Variants in CDH19 observed in about 807,000 individuals in gnomAD.
The protein encoded by CDH19 is cadherin 19.
Under a neutral mutation model 64.2 loss-of-function variants are expected in CDH19, and 67 were observed. The observed-to-expected ratio is 1.04, with a 90% confidence interval of 0.86 to 1.28. The LOEUF (loss-of-function observed/expected upper bound fraction) is 1.28, where lower values mean the gene tolerates loss of function less well. Ranked by LOEUF, CDH19 falls within the 50% of genes most tolerant of loss-of-function variation. CDH19 has a pLI of 0.00. For synonymous variants in CDH19, 346 were observed against 319.3 expected (o/e 1.08, Z -0.89); for missense variants, 1,030 against 929.0 (o/e 1.11, Z -1.41).
intron 5 of CDH19, among the ~76,000 whole-genome samples, chr18:66,549,901 AC>A (rs1411349790): frequency 6.6e-6 from 1 of 152,112 alleles, no homozygotes; most frequent in African/African-American, 2.4e-5. Flanking sequence ...CATGGACTCA[AC>A]TACTGGAAGG....
chr18:66,574,980 C>T (rs1988223676), intron 1 of CDH19, among the ~76,000 whole-genome samples: 1 of 151,732 alleles, frequency 6.6e-6, no homozygotes, highest in Non-Finnish European at 1.5e-5. Context: ...AGAGAAGAAA[C>T]TGAGCTGTCA....
chr18:66,511,898 C>T (rs1042985941), intron 9 of CDH19, among the ~76,000 whole-genome samples: 5 of 151,450 alleles, frequency 3.3e-5, no homozygotes, highest in Non-Finnish European at 7.4e-5. Flanking sequence ...TGTAATATTA[C>T]ATAATAAACA....
At chr18:66,588,599 A>G (rs1416781042) in intron 1 of CDH19, among the ~76,000 whole-genome samples, 1 of 113,196 alleles carries the variant, frequency 8.8e-6, no homozygotes, top group Non-Finnish European at 2.2e-5. Context: ...ACTCATTTTT[A>G]CTAATCATAT....
intron 8 of CDH19, among the ~76,000 whole-genome samples, chr18:66,531,952 A>G (rs934124712): frequency 3.3e-5 from 5 of 152,238 alleles, no homozygotes; most frequent in Admixed American, 3.3e-4. Flanking sequence ...GAACTGAAAA[A>G]AGTAAGTTGC....
chr18:66,588,879 C>A (rs1988660947), intron 1 of CDH19, among the ~76,000 whole-genome samples: 1 of 151,614 alleles, frequency 6.6e-6, no homozygotes, highest in African/African-American at 2.4e-5. Context: ...TCATACATCC[C>A]AGGCTTCTTT....
intron 1 of CDH19, among the ~76,000 whole-genome samples, chr18:66,577,688 T>C (rs577492181): frequency 2.6e-5 from 4 of 152,054 alleles, no homozygotes; most frequent in East Asian, 3.9e-4. Context: ...ATAATCTCTG[T>C]ATCAGATCCC....
In CDH19 at chr18:66,535,089, G is replaced by T. The variant is rs1340973556; in HGVS notation, c.1233C>A (p.Ser411Arg). The T allele has an allele frequency of 6.1e-6, 9 of 1,485,192 alleles. No homozygotes were observed. The highest frequency in any genetic ancestry group is 8.2e-6 in the Non-Finnish European group (9 of 1,095,800). The allele number at this position is 1,485,192 out of a possible 1,614,324, so 92.0% of individuals were successfully genotyped here. ...CATTATCATTGATATTGAACACTTT[G>T]CTCCTAGTAATAGAATACCTGAACC... is the stretch of plus-strand genomic sequence containing the variant. ...KSPIRYSITR[S>R]KVFNINDNGT... is the part of the protein sequence containing the mutation. Residue 411 changes from serine (S) to arginine (R), a missense_variant, in exon 8 of 12, where the codon AGC becomes AGA. Ser to Arg is a moderately radical substitution (Grantham distance 110). Transcript: ENST00000262150.
At chr18:66,508,430 G>A (rs9959740) in intron 11 of CDH19, among the ~76,000 whole-genome samples, 48,336 of 151,146 alleles carry the variant, frequency 0.32, 9,340 homozygotes, top group African/African-American at 0.54. Flanking sequence ...TTGGGCTCTA[G>A]TCAGTTGCAG....
chr18:66,511,378 A>G (rs1985475121), intron 10 of CDH19, among the ~76,000 whole-genome samples, 190 bp downstream of exon 10: 1 of 151,710 alleles, frequency 6.6e-6, no homozygotes, highest in Non-Finnish European at 1.5e-5. Flanking sequence ...AAATGCGGTG[A>G]GAAATGGAGT....
In CDH19 at chr18:66,568,726, G is replaced by A. The variant is rs1376003527; in HGVS notation, c.196-16C>T. On this transcript the variant is annotated splice_polypyrimidine_tract_variant and intron_variant, in intron 2 of 11. Transcript: ENST00000262150. The stretch of plus-strand genomic sequence containing the variant: ...CAGATCTTAGCTGCAAATGGAAAGA[G>A]GGATCATTTAGTTTCCAAACATCTG... 1 of 1,566,264 alleles carries A rather than the reference G, an allele frequency of 6.4e-7. No homozygotes were observed. Among genetic ancestry groups the A allele is most frequent in the African/African-American group, 1.4e-5 (1 of 73,022 alleles).
chr18:66,551,343 T>C, intron 4 of CDH19, 85 bp from the exon 5 acceptor site: 1 of 773,952 alleles, frequency 1.3e-6, no homozygotes, highest in Non-Finnish European at 2.2e-6. Context: ...GCAGTATACA[T>C]TATTTTGCTA....
At chr18:66,570,979 T>A (rs543699055) in intron 2 of CDH19, among the ~76,000 whole-genome samples, 7 of 151,790 alleles carry the variant, frequency 4.6e-5, no homozygotes, top group Admixed American at 4.0e-4. Flanking sequence ...ACTCAGTTAC[T>A]GAGTCGGCAC....
At chr18:66,558,079 G>T (rs1987585743) in intron 3 of CDH19, among the ~76,000 whole-genome samples, 1 of 151,102 alleles carries the variant, frequency 6.6e-6, no homozygotes, top group East Asian at 2.0e-4. Flanking sequence ...GCCTTGCAGA[G>T]GTTGCAGTGT....
At chr18:66,546,899 T>G (rs1365700258) in intron 5 of CDH19, among the ~76,000 whole-genome samples, 15 of 152,054 alleles carry the variant, frequency 9.9e-5, no homozygotes, top group Admixed American at 9.8e-4. Context: ...ATAGAAACAC[T>G]AAGATTTCAA....
intron 1 of CDH19, among the ~76,000 whole-genome samples, chr18:66,587,242 A>G (rs917825229): frequency 6.6e-6 from 1 of 152,184 alleles, no homozygotes; most frequent in African/African-American, 2.4e-5. Context: ...TGCCTGTGTT[A>G]GGAGTGTCAA....
At chr18:66,550,960 GAAC>G in intron 5 of CDH19, 131 bp downstream of exon 5, 1 of 514,066 alleles carries the variant, frequency 1.9e-6, no homozygotes, top group Non-Finnish European at 3.4e-6. Context: ...AATCATACCA[GAAC>G]AATTGACAAA....
At chr18:66,512,205 C>T (rs915260792) in intron 9 of CDH19, among the ~76,000 whole-genome samples, 1 of 151,506 alleles carries the variant, frequency 6.6e-6, no homozygotes, top group Admixed American at 6.6e-5. Context: ...TACATGATTT[C>T]CTTTGACCCA....
At chr18:66,518,005 T>C (rs1306758064) in intron 9 of CDH19, among the ~76,000 whole-genome samples, 3 of 151,946 alleles carry the variant, frequency 2.0e-5, no homozygotes, top group African/African-American at 7.2e-5. Flanking sequence ...CTTTATATAT[T>C]GTATGAAATT....
At chr18:66,568,861 T>C in intron 2 of CDH19, 151 bp from the exon 3 acceptor site, 1 of 628,496 alleles carries the variant, frequency 1.6e-6, no homozygotes. Flanking sequence ...AATATTAATA[T>C]CAAGATTAAA....
Sources: gnomAD v4.1 joint callset for allele counts (sites outside exome capture counted in the v4.1 genomes callset) on GRCh38, gnomAD v4.1.1 for gene constraint, MANE v1.5 for transcripts, NCBI Gene and HGNC (gene_info 2026-07-23, HGNC 2026-07-21) for gene names.